Variants in SLC6A16 observed in about 807,000 individuals in gnomAD.
SLC6A16 encodes orphan sodium- and chloride-dependent neurotransmitter transporter NTT5.
Under a neutral mutation model 65.4 loss-of-function variants are expected in SLC6A16, and 54 were observed. That is an observed-to-expected ratio of 0.83 (90% CI 0.66 to 1.04). SLC6A16 has a LOEUF of 1.04. Ranked by LOEUF, SLC6A16 falls within the 50% of genes least tolerant of loss-of-function variation. The probability of loss-of-function intolerance (pLI) is 0.00; values close to 1 mark genes in which losing one functional copy is unlikely to be tolerated. For synonymous variants in SLC6A16, 330 were observed against 346.5 expected (o/e 0.95, Z 0.53); for missense variants, 816 against 914.0 (o/e 0.89, Z 1.38).
At chr19:49,311,664 C>T (rs1181993022) in intron 1 of SLC6A16, among the ~76,000 whole-genome samples, 1 of 151,786 alleles carries the variant, frequency 6.6e-6, no homozygotes, top group Non-Finnish European at 1.5e-5. Flanking sequence ...GCCCGGCCAA[C>T]ATGGTGAAAC....
At chr19:49,339,801 G>A in the SLC6A16 span, 4 of 1,355,840 alleles carry the variant, frequency 3.0e-6, no homozygotes, top group African/African-American at 5.9e-5. The surrounding 1 kb of genome is among the most constrained non-coding windows in gnomAD (Gnocchi z 4.5). Context: ...GCAGTCTGTG[G>A]GGTGGCTGGG....
chr19:49,305,995 A>G (rs1389341382), intron 7 of SLC6A16: 1 of 152,188 alleles, frequency 6.6e-6, no homozygotes, highest in African/African-American at 2.4e-5. Flanking sequence ...AACATTATAC[A>G]GCATTTTAAA....
At chr19:49,334,896 T>C in the SLC6A16 span, among the ~76,000 whole-genome samples, 1 of 151,458 alleles carries the variant, frequency 6.6e-6, no homozygotes, top group Non-Finnish European at 1.5e-5. Context: ...GAAACAAATA[T>C]ATAAATAAAA....
chr19:49,310,627 A>G, intron 2 of SLC6A16, 117 bp from the exon 3 acceptor site: 1 of 1,109,560 alleles, frequency 9.0e-7, no homozygotes, highest in Non-Finnish European at 1.3e-6. Flanking sequence ...CACAGGCATC[A>G]GGGCTCACCC....
chr19:49,339,481 G>A, the SLC6A16 span: 4 of 1,558,136 alleles, frequency 2.6e-6, no homozygotes, highest in South Asian at 3.3e-5. The surrounding 1 kb of genome is among the most constrained non-coding windows in gnomAD (Gnocchi z 4.5). Flanking sequence ...TTCATTTCGC[G>A]TCCTTCGGTT....
chr19:49,291,957 A>C (rs1224428346), intron 10 of SLC6A16, among the ~76,000 whole-genome samples: 1 of 151,930 alleles, frequency 6.6e-6, no homozygotes, highest in Non-Finnish European at 1.5e-5. Flanking sequence ...TCCAGGTCTC[A>C]CTCCCAGATT....
chr19:49,322,831 T>C (rs1970736112), intron 1 of SLC6A16, among the ~76,000 whole-genome samples: 4 of 94,294 alleles, frequency 4.2e-5, no homozygotes, highest in African/African-American at 2.7e-4. Flanking sequence ...TTTTTTTTTT[T>C]TTTTTTTTTT....
intron 7 of SLC6A16, among the ~76,000 whole-genome samples, chr19:49,300,897 C>G (rs1195565230): frequency 2.6e-5 from 4 of 151,894 alleles, no homozygotes; most frequent in Non-Finnish European, 5.9e-5. Context: ...ACAAAAAATA[C>G]AAAAATTAGC....
At chr19:49,297,770 A>C (rs531155469) in intron 7 of SLC6A16, among the ~76,000 whole-genome samples, 1 of 152,288 alleles carries the variant, frequency 6.6e-6, no homozygotes, top group East Asian at 1.9e-4. Flanking sequence ...AAAGGAACGA[A>C]CCTCCAATAC....
chr19:49,340,109 G>A, the SLC6A16 span: 9 of 1,536,870 alleles, frequency 5.9e-6, no homozygotes. Context: ...GTCGAGCCCC[G>A]CCCTTTTCTA....
chr19:49,309,997 T>C, intron 4 of SLC6A16, 43 bp downstream of exon 4: 1 of 1,596,818 alleles, frequency 6.3e-7, no homozygotes, highest in African/African-American at 1.3e-5. Context: ...CTACTTCTAC[T>C]TCTCCATTTT....
At chr19:49,294,087 A>G (rs1408418741) in intron 8 of SLC6A16, 59 bp from the exon 9 acceptor site, 2 of 1,385,410 alleles carry the variant, frequency 1.4e-6, no homozygotes, top group African/African-American at 2.9e-5. Flanking sequence ...ACAAAAAAAT[A>G]TAGACAAGTA....
rs1285244256 is a variant in SLC6A16, at chr19:49,311,002, G to A, written c.346C>T (p.Gln116Ter). ...WSSKTEYILA[Q>*]VGFSMKPSCL... Reference sequence around the variant, plus strand: ...GATGGCTTCATAGAGAAGCCCACCTGAGCCAGAATATACTCAGTTTTGCTG... The same window carrying A: ...GATGGCTTCATAGAGAAGCCCACCTAAGCCAGAATATACTCAGTTTTGCTG... Residue 116 changes from glutamine (Q) to a stop codon, truncating the protein, a stop_gained, in exon 2 of 12, where the codon CAG becomes TAG. Transcript: ENST00000335875. LOFTEE classifies it high-confidence loss of function. The A allele has an allele frequency of 6.2e-6, 10 of 1,614,100 alleles. No homozygotes were observed. Among genetic ancestry groups the A allele is most frequent in the Non-Finnish European group, 7.6e-6 (9 of 1,180,050 alleles).
chr19:49,320,940 G>A (rs2146173014), intron 1 of SLC6A16, among the ~76,000 whole-genome samples: 1 of 152,276 alleles, frequency 6.6e-6, no homozygotes, highest in East Asian at 1.9e-4. Flanking sequence ...AACCTTTAAT[G>A]AATTAATATC....
intron 1 of SLC6A16, among the ~76,000 whole-genome samples, chr19:49,320,278 G>A (rs943776242): frequency 6.6e-6 from 1 of 151,800 alleles, no homozygotes; most frequent in African/African-American, 2.4e-5. Flanking sequence ...CATGGTGGTG[G>A]GCGCCTGTAA....
At position 49,310,104 on chromosome 19, in the gene SLC6A16, G is replaced by A; in HGVS notation, c.636C>T (p.Ser212=). The change falls in exon 4 of 12, where the codon AGC becomes AGT. Residue 212 remains serine, a synonymous_variant. Coordinates refer to ENST00000335875, the MANE Select transcript of SLC6A16 (RefSeq NM_014037.3). ...ATGGAACGGGAAACTGGAAGGACTG[G>A]CTCATGTAGAAGATGATCCAGGAAT... ...VVNSWIIFYM[S]QSFQFPVPWE... is the part of the protein sequence containing the mutation. The A allele has an allele frequency of 6.2e-7, 1 of 1,614,066 alleles. No homozygotes were observed. Among genetic ancestry groups the A allele is most frequent in the African/African-American group, 1.3e-5 (1 of 74,982 alleles).
At chr19:49,337,945 C>A in the SLC6A16 span, 44 of 1,613,908 alleles carry the variant, frequency 2.7e-5, no homozygotes, top group Non-Finnish European at 3.6e-5. Flanking sequence ...GCTTGCGGGA[C>A]GTCGTAGAGA....
intron 1 of SLC6A16, among the ~76,000 whole-genome samples, chr19:49,319,005 G>A (rs890508615): frequency 1.1e-4 from 16 of 150,750 alleles, no homozygotes; most frequent in South Asian, 4.2e-4. Flanking sequence ...GAGCCTCCAT[G>A]CCTAGCCATG....
At chr19:49,336,280 GCGCGGTGGCTCACA>G in the SLC6A16 span, 1 of 144,696 alleles carries the variant, frequency 6.9e-6, no homozygotes, top group Non-Finnish European at 1.6e-5. Context: ...TAGGGGCCGG[GCGCGGTGGCTCACA>G]CCTGTAATTC....
Sources: allele counts gnomAD v4.1 joint callset (sites outside exome capture counted in the v4.1 genomes callset), GRCh38; gene constraint gnomAD v4.1.1; non-coding constraint Gnocchi (gnomAD v3.1); transcripts MANE v1.5; gene names NCBI Gene and HGNC (gene_info 2026-07-23, HGNC 2026-07-21).